The following GPHN variants were observed in gnomAD, a reference collection of about 807,000 sequenced individuals.
GPHN encodes the protein gephyrin.
In GPHN, 17 loss-of-function variants were observed where a neutral mutation model predicts 95.5. The observed-to-expected ratio is 0.18, with a 90% confidence interval of 0.12 to 0.27. The LOEUF (loss-of-function observed/expected upper bound fraction) is 0.27, where lower values mean the gene tolerates loss of function less well. Ranked by LOEUF, GPHN falls within the 10% of genes least tolerant of loss-of-function variation. The pLI, the probability that GPHN is intolerant of heterozygous loss-of-function variation, is 1.00. For synonymous variants in GPHN, 320 were observed against 322.5 expected, an observed-to-expected ratio of 0.99 and a Z score of 0.08; for missense variants, 660 against 978.1, an observed-to-expected ratio of 0.67 and a Z score of 4.34.
chr14:66,703,963 CA>C (rs147557933), intron 2 of GPHN, among the ~76,000 whole-genome samples: 136 of 110,562 alleles, frequency 1.2e-3, no homozygotes, highest in South Asian at 2.2e-3. Flanking sequence ...AATGGAAAGC[CA>C]AAAAAAAAAA....
the GPHN span, among the ~76,000 whole-genome samples, chr14:67,428,754 G>A: frequency 2.0e-5 from 3 of 152,236 alleles, no homozygotes; most frequent in Non-Finnish European, 4.4e-5. Flanking sequence ...CCTCAGGCTT[G>A]AGGGCCTGGC....
chr14:66,592,977 G>A (rs1431300854), intron 1 of GPHN, among the ~76,000 whole-genome samples: 2 of 152,158 alleles, frequency 1.3e-5, no homozygotes, highest in Admixed American at 1.3e-4. Flanking sequence ...CCATAAAAAC[G>A]ATGAGTTCAT....
the GPHN span, among the ~76,000 whole-genome samples, chr14:67,654,585 T>A: frequency 2.2e-4 from 33 of 152,226 alleles, no homozygotes; most frequent in Non-Finnish European, 4.3e-4. Context: ...TTACTCTGAC[T>A]TAATGGAGAA....
chr14:66,856,863 T>C (rs946756336), intron 4 of GPHN, among the ~76,000 whole-genome samples: 14 of 152,144 alleles, frequency 9.2e-5, no homozygotes, highest in Admixed American at 7.2e-4. Context: ...CAAAAGATTA[T>C]ATGGTCATCT....
At chr14:66,845,657 A>G (rs2062292255) in intron 4 of GPHN, among the ~76,000 whole-genome samples, 1 of 152,124 alleles carries the variant, frequency 6.6e-6, no homozygotes, top group East Asian at 1.9e-4. Flanking sequence ...GGAACCAGCA[A>G]TGGGAACAGG....
chr14:67,541,810 C>A, the GPHN span: 1 of 1,467,318 alleles, frequency 6.8e-7, no homozygotes, highest in South Asian at 1.3e-5. Context: ...TTATCTTTTC[C>A]TCTTTCTGCA....
chr14:66,669,390 C>A (rs2066169088), intron 1 of GPHN, among the ~76,000 whole-genome samples: 1 of 150,864 alleles, frequency 6.6e-6, no homozygotes, highest in African/African-American at 2.4e-5. Flanking sequence ...AAGATATTTC[C>A]TTTGTCTTTA....
At chr14:67,392,544 T>A in the GPHN span, 3 of 1,208,398 alleles carry the variant, frequency 2.5e-6, no homozygotes, top group Non-Finnish European at 3.7e-6. Context: ...TGCATCAGGA[T>A]GAAGTCGTCC....
the GPHN span, among the ~76,000 whole-genome samples, chr14:67,311,029 A>AG: frequency 6.6e-6 from 1 of 152,128 alleles, no homozygotes; most frequent in Non-Finnish European, 1.5e-5. Context: ...CTTAAAGCTA[A>AG]GGCCAGGCGT....
intron 1 of GPHN, among the ~76,000 whole-genome samples, chr14:66,586,620 A>T (rs1450189383): frequency 1.3e-5 from 2 of 152,174 alleles, no homozygotes; most frequent in Non-Finnish European, 2.9e-5. Context: ...TTATCTGTAA[A>T]GGATTTTATT....
the GPHN span, among the ~76,000 whole-genome samples, chr14:67,639,292 A>G: frequency 4.6e-5 from 7 of 152,294 alleles, no homozygotes; most frequent in South Asian, 1.5e-3. Context: ...TCTGTGACTT[A>G]TCCACTGGAT....
chr14:66,983,886 A>G (rs2070848192), intron 9 of GPHN, among the ~76,000 whole-genome samples: 1 of 152,122 alleles, frequency 6.6e-6, no homozygotes, highest in African/African-American at 2.4e-5. Flanking sequence ...TATAAGCATT[A>G]ATTTTTTTCC....
chr14:67,692,196 T>C, the GPHN span: 1 of 452,846 alleles, frequency 2.2e-6, no homozygotes, highest in Non-Finnish European at 3.9e-6. Context: ...GAGACTCCCA[T>C]GAGATTTCTG....
At chr14:67,486,550 G>C in the GPHN span, among the ~76,000 whole-genome samples, 1 of 152,206 alleles carries the variant, frequency 6.6e-6, no homozygotes, top group East Asian at 1.9e-4. Flanking sequence ...TGGGATTACA[G>C]GCGTGAGCCA....
chr14:67,103,965 C>A (rs983187957), intron 13 of GPHN, among the ~76,000 whole-genome samples: 1 of 152,184 alleles, frequency 6.6e-6, no homozygotes, highest in Non-Finnish European at 1.5e-5. Context: ...AGAGGAAAAG[C>A]TTTCAACTCT....
intron 4 of GPHN, among the ~76,000 whole-genome samples, chr14:66,837,813 A>G (rs1438619676): frequency 6.6e-6 from 1 of 151,722 alleles, no homozygotes; most frequent in Non-Finnish European, 1.5e-5. Flanking sequence ...TATATATTCA[A>G]TTTCCTTTAA....
intron 4 of GPHN, among the ~76,000 whole-genome samples, chr14:66,837,343 A>G (rs1476594249): frequency 1.3e-5 from 2 of 150,170 alleles, no homozygotes; most frequent in African/African-American, 4.9e-5. Context: ...CTATCGCAAG[A>G]ACAAAAAACC....
At chr14:67,301,982 T>A in the GPHN span, 4 of 1,585,428 alleles carry the variant, frequency 2.5e-6, no homozygotes, top group Non-Finnish European at 3.4e-6. Flanking sequence ...GCACTTTTAC[T>A]GGCCCACGAT....
At position 67,083,068 on chromosome 14, in the gene GPHN, A is replaced by T. The variant is rs535384557; in HGVS notation, c.1145-5915A>T. Among the ~76,000 whole-genome samples, 79 of 152,356 alleles carry T rather than the reference A, an allele frequency of 5.2e-4. 2 individuals are homozygous for T. The South Asian group carries it at 0.015, about 29-fold the overall frequency. ...TTCTGGAAGTCCAGGATAGAAAAAG[A>T]CATTTTGAGTAAGACCTATATTTGT... is the stretch of plus-strand genomic sequence containing the variant. On this transcript the variant is annotated intron_variant, in intron 11 of 22. Transcript: ENST00000478722.
Sources: allele counts gnomAD v4.1 joint callset (sites outside exome capture counted in the v4.1 genomes callset), GRCh38; gene constraint gnomAD v4.1.1; transcripts MANE v1.5; gene names NCBI Gene and HGNC (gene_info 2026-07-23, HGNC 2026-07-21).